The following SPATA17 variants were observed in gnomAD, a reference collection of about 807,000 sequenced individuals.
SPATA17 encodes the protein spermatogenesis-associated protein 17.
Under a neutral mutation model 62.2 loss-of-function variants are expected in SPATA17, and 53 were observed. The observed-to-expected ratio is 0.85, with a 90% CI of 0.68 to 1.07. The LOEUF is 1.07. Ranked by LOEUF, SPATA17 falls within the 50% of genes least tolerant of loss-of-function variation. The pLI, the probability that SPATA17 is intolerant of heterozygous loss-of-function variation, is 0.00. For missense variants in SPATA17, 466 were observed against 425.5 expected (o/e 1.10, Z -0.84); for synonymous variants, 146 against 146.8 (o/e 0.99, Z 0.04).
intron 9 of SPATA17, among the ~76,000 whole-genome samples, chr1:217,814,898 C>T (rs1674675306): frequency 6.6e-6 from 1 of 152,026 alleles, no homozygotes; most frequent in Non-Finnish European, 1.5e-5. Context: ...TCAACATATG[C>T]TAGTCTTCTC....
chr1:217,748,548 G>A (rs1005030820), intron 6 of SPATA17, among the ~76,000 whole-genome samples: 14 of 151,458 alleles, frequency 9.2e-5, no homozygotes, highest in Non-Finnish European at 1.9e-4. Flanking sequence ...TTCGAAACCA[G>A]CCTGGCCAAC....
In SPATA17 at chr1:217,651,144, T is replaced by C. The variant is rs1251642028; in HGVS notation, c.206T>C (p.Phe69Ser). Residue 69 changes from phenylalanine (F) to serine (S), a missense_variant, in exon 3 of 11, where the codon TTC becomes TCC. Transcript: ENST00000366933. ...ATTATTCAAAAATGGTGGAGAAGTT[T>C]CTTAGGCAGAAAGCAATATCAACTA... ...VTIIQKWWRS[F>S]LGRKQYQLTV... 1 of 1,610,042 alleles carries C rather than the reference T, an allele frequency of 6.2e-7. No homozygotes were observed. The highest frequency in any genetic ancestry group is 8.5e-7 in the Non-Finnish European group (1 of 1,178,960).
intron 5 of SPATA17, among the ~76,000 whole-genome samples, chr1:217,714,435 G>GA (rs537809968): frequency 4.7e-5 from 7 of 149,780 alleles, no homozygotes; most frequent in African/African-American, 1.7e-4. Flanking sequence ...TTCTGAAAAG[G>GA]AAAAAATTCA....
chr1:217,688,018 C>G (rs1169404342), intron 5 of SPATA17, among the ~76,000 whole-genome samples: 1 of 151,966 alleles, frequency 6.6e-6, no homozygotes, highest in Non-Finnish European at 1.5e-5. Context: ...GAATCATGGC[C>G]CTTCTGTGCC....
chr1:217,775,698 T>C (rs71647129), intron 7 of SPATA17, among the ~76,000 whole-genome samples: 3 of 151,676 alleles, frequency 2.0e-5, no homozygotes, highest in Non-Finnish European at 2.9e-5. Context: ...TATATATATA[T>C]ATATAGAGAG....
chr1:217,803,886 T>C (rs1674371793), intron 9 of SPATA17, among the ~76,000 whole-genome samples: 1 of 151,896 alleles, frequency 6.6e-6, no homozygotes, highest in Non-Finnish European at 1.5e-5. Flanking sequence ...GGTGTGGTGG[T>C]GCCTGCCTGT....
rs1676053429 is a variant in SPATA17 at position 217,868,053 on chromosome 1, C to G, written c.*1034C>G. ...ACAAAACTGAGGGGAAAAAAAGGAA[C>G]CTATTAAAAAGACATTATCTATCAA... is the stretch of plus-strand genomic sequence containing the variant. On this transcript the variant is annotated 3_prime_UTR_variant, in exon 11 of 11. Transcript: ENST00000366933. 6.6e-6 allele frequency: 1 copy of G among 152,012 alleles called. No homozygotes were observed. The highest frequency in any genetic ancestry group is 2.4e-5 in the African/African-American group (1 of 41,410). 9.4% of individuals were successfully genotyped at this position (152,012 alleles called of 1,614,324 possible). A position where few individuals can be genotyped will look rare whatever the true frequency, so the allele number is the denominator to read the frequency against.
intron 1 of SPATA17, among the ~76,000 whole-genome samples, chr1:217,633,562 T>C (rs1167607991): frequency 6.6e-6 from 1 of 152,112 alleles, no homozygotes; most frequent in African/African-American, 2.4e-5. Flanking sequence ...AGCCAACTAA[T>C]CTAACTCTAA....
At chr1:217,657,506 G>A (rs1670470288) in intron 3 of SPATA17, among the ~76,000 whole-genome samples, 1 of 152,126 alleles carries the variant, frequency 6.6e-6, no homozygotes, top group Non-Finnish European at 1.5e-5. Context: ...TGGGCAGTGG[G>A]ACATGAGTTG....
intron 9 of SPATA17, among the ~76,000 whole-genome samples, chr1:217,805,203 A>T (rs1674403104): frequency 6.6e-6 from 1 of 152,236 alleles, no homozygotes; most frequent in Admixed American, 6.5e-5. Context: ...TCAGCTTTTA[A>T]AAAGAAGGAC....
chr1:217,648,774 A>AT (rs1670243553), intron 1 of SPATA17, 108 bp from the exon 2 acceptor site: 1 of 562,762 alleles, frequency 1.8e-6, no homozygotes, highest in Non-Finnish European at 3.0e-6. Context: ...TGACATTTGA[A>AT]TTTATAATTA....
At chr1:217,706,324 C>T (rs969702038) in intron 5 of SPATA17, among the ~76,000 whole-genome samples, 18 of 152,066 alleles carry the variant, frequency 1.2e-4, no homozygotes, top group East Asian at 1.9e-4. Context: ...ATATTGATTT[C>T]TTCTATGTGG....
intron 8 of SPATA17, among the ~76,000 whole-genome samples, chr1:217,792,778 A>G (rs1310580864): frequency 1.3e-5 from 2 of 152,084 alleles, no homozygotes; most frequent in Non-Finnish European, 2.9e-5. Flanking sequence ...TATCAAATAC[A>G]GTTTTTTTTG....
intron 9 of SPATA17, among the ~76,000 whole-genome samples, chr1:217,860,196 C>T (rs77580690): frequency 0.027 from 4,152 of 152,246 alleles, 64 homozygotes; most frequent in African/African-American, 0.054. Flanking sequence ...TCGCTAAACA[C>T]TTTGAGATTT....
chr1:217,722,772 G>A (rs1179294035), intron 5 of SPATA17, among the ~76,000 whole-genome samples: 2 of 152,130 alleles, frequency 1.3e-5, no homozygotes, highest in African/African-American at 4.8e-5. Flanking sequence ...ACTGTCTACT[G>A]GCCCATTGTT....
chr1:217,836,724 T>C (rs1279298999), intron 9 of SPATA17, among the ~76,000 whole-genome samples: 2 of 152,140 alleles, frequency 1.3e-5, no homozygotes, highest in Non-Finnish European at 2.9e-5. Flanking sequence ...TCCAGCCTTC[T>C]CGGCTCCTCC....
intron 1 of SPATA17, among the ~76,000 whole-genome samples, chr1:217,632,249 G>A (rs1410633956): frequency 6.6e-6 from 1 of 151,966 alleles, no homozygotes; most frequent in Non-Finnish European, 1.5e-5. Flanking sequence ...TTCTGACACG[G>A]TAACTAGTAC....
At chr1:217,789,592 A>C (rs969656362) in intron 8 of SPATA17, among the ~76,000 whole-genome samples, 1 of 152,224 alleles carries the variant, frequency 6.6e-6, no homozygotes, top group South Asian at 2.1e-4. Context: ...CAGAAGCTAC[A>C]GGCAAAATCA....
intron 6 of SPATA17, among the ~76,000 whole-genome samples, chr1:217,746,003 G>A (rs1361107088): frequency 6.6e-6 from 1 of 151,936 alleles, no homozygotes; most frequent in Non-Finnish European, 1.5e-5. Context: ...TGGCTATTGG[G>A]GAGAAATTAA....
Sources: allele counts gnomAD v4.1 joint callset (sites outside exome capture counted in the v4.1 genomes callset), GRCh38; gene constraint gnomAD v4.1.1; transcripts MANE v1.5; gene names NCBI Gene and HGNC (gene_info 2026-07-23, HGNC 2026-07-21).